The following TSKU variants were observed in gnomAD, a reference collection of about 807,000 sequenced individuals.
TSKU encodes the protein tsukushi.
In TSKU, 4 loss-of-function variants were observed where a neutral mutation model predicts 11.2. That is an observed-to-expected ratio of 0.36 (90% CI 0.18 to 0.82). TSKU has a LOEUF of 0.82. TSKU is among the 40% of genes least tolerant of loss of function. The pLI, the probability that TSKU is intolerant of heterozygous loss-of-function variation, is 0.50. For synonymous variants in TSKU, 220 were observed against 232.2 expected (o/e 0.95, Z 0.48); for missense variants, 407 against 482.5 (o/e 0.84, Z 1.47).
In TSKU at chr11:76,790,623, T is replaced by G. The variant is rs190467881; in HGVS notation, c.-8-4986T>G. Among the ~76,000 whole-genome samples the G allele has an allele frequency of 3.9e-5, 6 of 152,298 alleles. No homozygotes were observed. The East Asian group carries it at 9.7e-4, about 25-fold the overall frequency. ...GTAATTGAATGCAGGAAGCTTTTGC[T>G]TCCTCCTCATTGTATCTTGCCACTG... On this transcript the variant is annotated intron_variant, in intron 1 of 1. Coordinates refer to ENST00000333090, the MANE Select transcript of TSKU (RefSeq NM_015516.4).
chr11:76,794,221 G>T (rs1228624618), intron 1 of TSKU, among the ~76,000 whole-genome samples: 6 of 152,190 alleles, frequency 3.9e-5, no homozygotes, highest in Non-Finnish European at 7.4e-5. Flanking sequence ...TTCTCATGCT[G>T]GCACCACTGA....
chr11:76,790,453 T>C (rs1944356091), intron 1 of TSKU, among the ~76,000 whole-genome samples: 1 of 152,182 alleles, frequency 6.6e-6, no homozygotes, highest in African/African-American at 2.4e-5. Flanking sequence ...CTCTAGCCCT[T>C]GCGGCAACTC....
intron 1 of TSKU, among the ~76,000 whole-genome samples, chr11:76,794,650 GA>G (rs899746414): frequency 6.6e-6 from 1 of 152,236 alleles, no homozygotes; most frequent in African/African-American, 2.4e-5. Context: ...AAGAACCAAA[GA>G]GGTGTAGTAG....
chr11:76,796,841 G>A lies in TSKU; in HGVS notation c.*163G>A, dbSNP rs1944460613. ...CCTAGGAGAGGCTTTGGACCTGGGA[G>A]CCACACCTAGGAGCAAAGTCTCACC... On this transcript the variant is annotated 3_prime_UTR_variant, in exon 2 of 2. Transcript: ENST00000333090. The surrounding 1 kb of genome is among the most constrained non-coding windows in gnomAD (Gnocchi z 4.1). 1 of 493,766 alleles carries A rather than the reference G, an allele frequency of 2.0e-6. No individual in the cohort carries two copies. The highest frequency in any genetic ancestry group is 3.4e-6 in the Non-Finnish European group (1 of 291,794). The allele number at this position is 493,766 out of a possible 1,614,324, so 30.6% of individuals were successfully genotyped here.
chr11:76,784,747 G>A (rs892425284), intron 1 of TSKU, among the ~76,000 whole-genome samples: 1 of 82,268 alleles, frequency 1.2e-5, no homozygotes. Context: ...GACCGGAGGT[G>A]GGGGGGGGGG....
At chr11:76,782,614 A>G (rs1944247346), upstream of TSKU, 1 of 150,174 alleles carries the variant, frequency 6.7e-6, no homozygotes, top group Admixed American at 6.6e-5. Flanking sequence ...GAGCTACAGC[A>G]GGGGGAATAG....
chr11:76,784,164 G>T (rs1944279904), intron 1 of TSKU: 1 of 152,590 alleles, frequency 6.6e-6, no homozygotes, highest in South Asian at 2.1e-4. Context: ...CGGCTGGGAG[G>T]AAGAGGCGAG....
rs140584353 is a variant in TSKU, at chr11:76,796,282, G to A, written c.666G>A (p.Pro222=). 43 of 1,613,318 alleles carry A rather than the reference G, an allele frequency of 2.7e-5. No individual in the cohort carries two copies. Among genetic ancestry groups the A allele is most frequent in the East Asian group, 1.3e-4 (6 of 44,848 alleles). ...LDGNPLAVIG[P]GAFAGLGGLT... ...GGAACCCTCTAGCTGTCATTGGTCC[G>A]GGTGCCTTCGCGGGGCTGGGAGGCC... The change falls in exon 2 of 2, where the codon CCG becomes CCA. Residue 222 remains proline (P), a synonymous_variant. Transcript: ENST00000333090. The surrounding 1 kb of genome is among the most constrained non-coding windows in gnomAD (Gnocchi z 4.1).
intron 1 of TSKU, chr11:76,784,225 G>A (rs1375285545): frequency 2.6e-5 from 4 of 152,500 alleles, no homozygotes; most frequent in Non-Finnish European, 5.9e-5. Context: ...GGGACAGGGC[G>A]GCTGGCGTTG....
At chr11:76,791,789 G>A (rs544617129) in intron 1 of TSKU, 1 of 152,368 alleles carries the variant, frequency 6.6e-6, no homozygotes, top group South Asian at 2.1e-4. Flanking sequence ...GGGAACCTCT[G>A]CCTAGATTTC....
intron 1 of TSKU, among the ~76,000 whole-genome samples, chr11:76,793,439 G>A (rs1188786397): frequency 1.3e-5 from 2 of 152,326 alleles, no homozygotes; most frequent in East Asian, 1.9e-4. Context: ...CATTTGGGTC[G>A]TATTTTGAGC....
At chr11:76,786,739 G>A (rs1229680220) in intron 1 of TSKU, among the ~76,000 whole-genome samples, 1 of 152,174 alleles carries the variant, frequency 6.6e-6, no homozygotes, top group African/African-American at 2.4e-5. Context: ...TTGATGCTGA[G>A]CCCTCATTCT....
chr11:76,787,174 G>A (rs930060578), intron 1 of TSKU, among the ~76,000 whole-genome samples: 3 of 152,214 alleles, frequency 2.0e-5, no homozygotes, highest in African/African-American at 7.2e-5. Context: ...GAGCAGTGAA[G>A]GCCCTGTTGG....
chr11:76,795,752 G>A lies in TSKU; in HGVS notation c.136G>A (p.Gly46Ser), dbSNP rs764207400. The change falls in exon 2 of 2, where the codon GGC becomes AGC. Residue 46 changes from glycine (G) to serine (S), a missense_variant. Gly to Ser is a moderately conservative substitution (Grantham distance 56). Coordinates refer to ENST00000333090, the MANE Select transcript of TSKU (RefSeq NM_015516.4). ...CAGCCTGACTCGGGTGGATTGTAGC[G>A]GCCTGGGCCCCCACATCATGCCGGT... ...SFSLTRVDCS[G>S]LGPHIMPVPI... is the part of the protein sequence containing the mutation. The A allele has an allele frequency of 3.6e-5, 58 of 1,614,042 alleles. No homozygotes were observed. Among genetic ancestry groups the A allele is most frequent in the Middle Eastern group, 1.6e-4 (1 of 6,084 alleles).
In TSKU at chr11:76,794,859, C is replaced by A. The variant is rs563965208; in HGVS notation, c.-8-750C>A. ...GTGCGGTGGGGCAGTCACTGCAGGC[C>A]CCATTGCAGGGAGGGAGTCCTGGTC... is the stretch of plus-strand genomic sequence containing the variant. On this transcript the variant is annotated intron_variant, in intron 1 of 1. Coordinates refer to ENST00000333090, the MANE Select transcript of TSKU (RefSeq NM_015516.4). Among the ~76,000 whole-genome samples the A allele has an allele frequency of 5.9e-5, 9 of 152,228 alleles. No individual in the cohort carries two copies. In the South Asian group the frequency reaches 1.4e-3, roughly 25 times the overall value.
rs372929832 is a variant in TSKU, at chr11:76,796,484, A to C, written c.868A>C (p.Asn290His). 13 of 1,612,656 alleles carry C rather than the reference A, an allele frequency of 8.1e-6. No individual in the cohort carries two copies. In the South Asian group the frequency reaches 1.4e-4, roughly 18 times the overall value. Residue 290 changes from asparagine (N) to histidine (H), a missense_variant, in exon 2 of 2, where the codon AAC becomes CAC. By Grantham distance (68) the Asn-to-His change is moderately conservative. Coordinates refer to ENST00000333090, the MANE Select transcript of TSKU (RefSeq NM_015516.4). The surrounding 1 kb of genome is among the most constrained non-coding windows in gnomAD (Gnocchi z 4.1). ...GCAGGAGCTGGACCTTTCGGGCACC[A>C]ACCTGGTGCCCCTGCCTGAGGCGCT... is the stretch of plus-strand genomic sequence containing the variant. ...SLQELDLSGT[N>H]LVPLPEALLL...
Position 76,796,327 on chromosome 11 carries a change from C to G in TSKU, c.711C>G (p.Ala237=). 6.2e-7 allele frequency: 1 copy of G among 1,613,346 alleles called. No individual in the cohort carries two copies. The highest frequency in any genetic ancestry group is 2.2e-5 in the East Asian group (1 of 44,864). ...GAGGCCTTACACACCTGTCTCTGGC[C>G]AGCCTGCAGAGGCTCCCTGAGCTGG... ...GLGGLTHLSL[A]SLQRLPELAP... is the part of the protein sequence containing the mutation. Residue 237 remains alanine, a synonymous_variant, in exon 2 of 2, where the codon GCC becomes GCG. Transcript: ENST00000333090. This position sits in a 1 kb window ranked among gnomAD's most constrained non-coding sequence, Gnocchi z 4.1.
Position 76,796,508 on chromosome 11 carries a change from C to G in TSKU, c.892C>G (p.Leu298Val). 1 of 1,612,140 alleles carries G rather than the reference C, an allele frequency of 6.2e-7. No homozygotes were observed. Among genetic ancestry groups the G allele is most frequent in the Non-Finnish European group, 8.5e-7 (1 of 1,179,124 alleles). Reference sequence around the variant, plus strand: ...CAACCTGGTGCCCCTGCCTGAGGCGCTGCTCCTCCACCTCCCGGCACTGCA... The same window carrying G: ...CAACCTGGTGCCCCTGCCTGAGGCGGTGCTCCTCCACCTCCCGGCACTGCA... Reference protein sequence around the residue: ...GTNLVPLPEALLLHLPALQSV... With the variant: ...GTNLVPLPEAVLLHLPALQSV... Residue 298 changes from leucine to valine, a missense_variant, in exon 2 of 2, where the codon CTG (leucine) becomes GTG (valine). Physicochemically the swap from Leu to Val is conservative, Grantham distance 32. Transcript: ENST00000333090. This position sits in a 1 kb window ranked among gnomAD's most constrained non-coding sequence, Gnocchi z 4.1.
rs1184419625 is a variant in TSKU, at chr11:76,795,904, C to T, written c.288C>T (p.Leu96=). The T allele has an allele frequency of 4.3e-6, 7 of 1,613,820 alleles. No individual in the cohort carries two copies. The highest frequency in any genetic ancestry group is 5.9e-6 in the Non-Finnish European group (7 of 1,180,020). ...GCCTGGATCTCAGCCACAACCTGCT[C>T]ACCAGCATCTCACCCACTGCCTTCT... ...LAGLDLSHNL[L]TSISPTAFSR... Residue 96 remains leucine, a synonymous_variant, in exon 2 of 2, where the codon CTC becomes CTT. Coordinates refer to ENST00000333090, the MANE Select transcript of TSKU (RefSeq NM_015516.4).
Sources: allele counts gnomAD v4.1 joint callset (sites outside exome capture counted in the v4.1 genomes callset), GRCh38; gene constraint gnomAD v4.1.1; non-coding constraint Gnocchi (gnomAD v3.1); transcripts MANE v1.5; gene names NCBI Gene and HGNC (gene_info 2026-07-23, HGNC 2026-07-21).